The following C3orf49 variants were observed in gnomAD, a reference collection of about 807,000 sequenced individuals.
C3orf49 encodes the protein putative uncharacterized protein C3orf49.
C3orf49 carries 27 observed loss-of-function variants against 13.3 expected under a neutral mutation model. The observed-to-expected ratio is 2.02, with a 90% CI of 1.49 to 2.79. The LOEUF is 2.79. Among genes scored for constraint, C3orf49 ranks in the 30% most tolerant of loss-of-function variants. C3orf49 has a pLI of 0.00. For missense variants in C3orf49, 242 were observed against 134.2 expected (o/e 1.80, Z -3.97); for synonymous variants, 87 against 47.6 (o/e 1.83, Z -3.40).
the C3orf49 span, among the ~76,000 whole-genome samples, chr3:63,807,857 C>T: frequency 3.1e-5 from 1 of 32,256 alleles, no homozygotes; most frequent in South Asian, 1.2e-3. Flanking sequence ...AACTTCATCT[C>T]AAAAAAAAAA....
chr3:63,796,468 C>G, the C3orf49 span, among the ~76,000 whole-genome samples: 2 of 152,168 alleles, frequency 1.3e-5, no homozygotes, highest in Non-Finnish European at 2.9e-5. Context: ...CTTTCTAATT[C>G]TCCCACTCAC....
intron 6 of C3orf49, among the ~76,000 whole-genome samples, chr3:63,846,411 A>T (rs911813780): frequency 6.6e-6 from 1 of 151,902 alleles, no homozygotes; most frequent in Non-Finnish European, 1.5e-5. Flanking sequence ...TTATTTAAAA[A>T]TTTTTATTTT....
At chr3:63,845,480 T>C (rs1008623167) in intron 6 of C3orf49, among the ~76,000 whole-genome samples, 4 of 152,228 alleles carry the variant, frequency 2.6e-5, no homozygotes. Flanking sequence ...AAATGTGCGT[T>C]ACACTCTCTG....
chr3:63,801,149 T>C, the C3orf49 span, among the ~76,000 whole-genome samples: 1 of 152,298 alleles, frequency 6.6e-6, no homozygotes, highest in East Asian at 1.9e-4. Flanking sequence ...TTTAAAACCC[T>C]GAGCCTCATC....
the C3orf49 span, among the ~76,000 whole-genome samples, chr3:63,781,071 A>C: frequency 6.6e-6 from 1 of 150,948 alleles, no homozygotes; most frequent in Non-Finnish European, 1.5e-5. Flanking sequence ...GCCCATGCCT[A>C]TGTCCTGAAT....
At chr3:63,839,554 C>A in intron 5 of C3orf49, 1 of 972,792 alleles carries the variant, frequency 1.0e-6, no homozygotes, top group Admixed American at 1.8e-5. Context: ...CTCCACTGTA[C>A]ATTTAAGGTG....
intron 1 of C3orf49, among the ~76,000 whole-genome samples, chr3:63,822,483 C>T (rs1701411395): frequency 1.3e-5 from 2 of 152,176 alleles, no homozygotes; most frequent in Admixed American, 1.3e-4. Flanking sequence ...ACCTCAGGAT[C>T]AGATAATCTG....
At chr3:63,805,985 C>T in the C3orf49 span, among the ~76,000 whole-genome samples, 230 of 152,092 alleles carry the variant, frequency 1.5e-3, no homozygotes, top group Non-Finnish European at 2.6e-3. Context: ...GTAGCAGCTG[C>T]GCAGTGCCCC....
the C3orf49 span, among the ~76,000 whole-genome samples, chr3:63,809,365 G>A: frequency 6.6e-6 from 1 of 152,154 alleles, no homozygotes; most frequent in South Asian, 2.1e-4. Context: ...GCTGTTTTAA[G>A]GCATCATCAA....
chr3:63,796,492 A>G, the C3orf49 span, among the ~76,000 whole-genome samples: 2 of 152,152 alleles, frequency 1.3e-5, no homozygotes, highest in Admixed American at 6.6e-5. Flanking sequence ...TTGCTCTTCA[A>G]TTAAATCACT....
At chr3:63,816,085 GTTTTTC>G (rs1701321319), upstream of C3orf49, among the ~76,000 whole-genome samples, 2 of 149,502 alleles carry the variant, frequency 1.3e-5, no homozygotes, top group South Asian at 4.2e-4. Flanking sequence ...TGCCTGGCCT[GTTTTTC>G]TTTTTATTTA....
chr3:63,793,719 A>C, the C3orf49 span, among the ~76,000 whole-genome samples: 1 of 152,194 alleles, frequency 6.6e-6, no homozygotes, highest in Admixed American at 6.6e-5. Flanking sequence ...CCGTCACACT[A>C]GGCAGCATCT....
At chr3:63,796,612 T>G in the C3orf49 span, among the ~76,000 whole-genome samples, 1 of 152,158 alleles carries the variant, frequency 6.6e-6, no homozygotes, top group South Asian at 2.1e-4. Context: ...CTAATCTAAG[T>G]GTAGCTTCAA....
chr3:63,832,044 A>C, intron 5 of C3orf49, 200 bp downstream of exon 5: 1 of 480,690 alleles, frequency 2.1e-6, no homozygotes, highest in Non-Finnish European at 3.7e-6. Flanking sequence ...AAATACAAAA[A>C]TTATCCAGGA....
the C3orf49 span, among the ~76,000 whole-genome samples, chr3:63,799,163 T>C: frequency 6.6e-6 from 1 of 152,170 alleles, no homozygotes; most frequent in Non-Finnish European, 1.5e-5. Context: ...TTTGGAGCAA[T>C]ATGCATGATT....
At chr3:63,821,110 C>A (rs1701388187) in intron 1 of C3orf49, among the ~76,000 whole-genome samples, 2 of 152,110 alleles carry the variant, frequency 1.3e-5, no homozygotes, top group African/African-American at 4.8e-5. Flanking sequence ...AGATTATGCC[C>A]ATTTTCAAAT....
chr3:63,839,780 G>C (rs1701719294), intron 5 of C3orf49: 4 of 1,611,046 alleles, frequency 2.5e-6, no homozygotes, highest in Non-Finnish European at 3.4e-6. Context: ...TCGTCTGCAG[G>C]AAAGAAGGGC....
the C3orf49 span, among the ~76,000 whole-genome samples, chr3:63,810,593 T>C: frequency 6.6e-6 from 1 of 152,246 alleles, no homozygotes; most frequent in Admixed American, 6.5e-5. Context: ...GTTCGGATTC[T>C]CTATTCAATT....
the C3orf49 span, among the ~76,000 whole-genome samples, chr3:63,805,257 G>C: frequency 6.6e-6 from 1 of 152,252 alleles, no homozygotes; most frequent in East Asian, 1.9e-4. Flanking sequence ...ACAAAAGTTG[G>C]CTTTTTAATG....
Sources: allele counts gnomAD v4.1 joint callset (sites outside exome capture counted in the v4.1 genomes callset), GRCh38; gene constraint gnomAD v4.1.1; transcripts MANE v1.5; gene names NCBI Gene and HGNC (gene_info 2026-07-23, HGNC 2026-07-21).